The following GRM5 variants were observed in gnomAD, a reference collection of about 807,000 sequenced individuals.
GRM5 encodes the protein glutamate metabotropic receptor 5.
A neutral mutation model predicts 83.1 loss-of-function variants in GRM5; 19 were observed. The ratio of observed to expected loss-of-function variants is 0.23; its 90% CI spans 0.16 to 0.34. The LOEUF (loss-of-function observed/expected upper bound fraction) is 0.34, where lower values mean the gene tolerates loss of function less well. Ranked by LOEUF, GRM5 falls within the 10% of genes least tolerant of loss-of-function variation. The probability of loss-of-function intolerance (pLI) is 1.00; values close to 1 mark genes in which losing one functional copy is unlikely to be tolerated. For synonymous variants in GRM5, 675 were observed against 633.6 expected, an observed-to-expected ratio of 1.07 and a Z score of -0.98; for missense variants, 1,160 against 1,588.3, an observed-to-expected ratio of 0.73 and a Z score of 4.58.
intron 3 of GRM5, among the ~76,000 whole-genome samples, chr11:88,761,063 A>G (rs1423217528): frequency 6.6e-6 from 1 of 152,192 alleles, no homozygotes; most frequent in Non-Finnish European, 1.5e-5. Context: ...AAACAATAAG[A>G]GTCATCTATG....
At chr11:88,948,143 G>T (rs190297494) in intron 2 of GRM5, among the ~76,000 whole-genome samples, 1 of 152,272 alleles carries the variant, frequency 6.6e-6, no homozygotes, top group African/African-American at 2.4e-5. Flanking sequence ...TTGGCTTTCT[G>T]TATGACCGTC....
intron 3 of GRM5, among the ~76,000 whole-genome samples, chr11:88,661,498 T>C (rs1939905339): frequency 1.3e-5 from 2 of 152,086 alleles, no homozygotes; most frequent in African/African-American, 4.8e-5. Context: ...CACATAATTA[T>C]TATGGAAACT....
intron 9 of GRM5, among the ~76,000 whole-genome samples, chr11:88,515,193 A>G (rs1021768379): frequency 2.0e-5 from 3 of 152,166 alleles, no homozygotes; most frequent in African/African-American, 7.2e-5. Context: ...ACAAAGGAGA[A>G]TATGACACGG....
chr11:88,548,739 T>C (rs1263499439), intron 8 of GRM5, among the ~76,000 whole-genome samples: 2 of 152,228 alleles, frequency 1.3e-5, no homozygotes, highest in Non-Finnish European at 2.9e-5. Context: ...AGTATATTAC[T>C]AGGCACTAGT....
At chr11:88,804,401 C>T (rs1050893511) in intron 3 of GRM5, among the ~76,000 whole-genome samples, 6 of 148,914 alleles carry the variant, frequency 4.0e-5, no homozygotes, top group Admixed American at 6.7e-5. Flanking sequence ...ATGGATGAAA[C>T]TGGAAATCAT....
At chr11:88,851,653 G>A (rs547824331) in intron 2 of GRM5, among the ~76,000 whole-genome samples, 1 of 152,310 alleles carries the variant, frequency 6.6e-6, no homozygotes, top group East Asian at 1.9e-4. Flanking sequence ...TTCCTGTCCT[G>A]ATGTGGGTGC....
At chr11:88,790,160 G>A (rs1451165193) in intron 3 of GRM5, among the ~76,000 whole-genome samples, 1 of 152,100 alleles carries the variant, frequency 6.6e-6, no homozygotes, top group Non-Finnish European at 1.5e-5. Flanking sequence ...CACTGCACCT[G>A]GCTCGTACAA....
At chr11:88,890,143 G>A (rs368354414) in intron 2 of GRM5, among the ~76,000 whole-genome samples, 11 of 74,730 alleles carry the variant, frequency 1.5e-4, no homozygotes, top group Admixed American at 2.8e-4. Context: ...CCCCACCCCC[G>A]ACTGAGAGAT....
At position 88,865,011 on chromosome 11, in the gene GRM5, G is replaced by A. The variant is rs149490582; in HGVS notation, c.662-14856C>T. The stretch of plus-strand genomic sequence containing the variant: ...TGAACCAGCCTTACAAGGGATGTGA[G>A]GGAACTCTTCAAGGAGAACTACAAA... On this transcript the variant is annotated intron_variant, in intron 2 of 9. Coordinates refer to ENST00000305447, the MANE Select transcript of GRM5 (RefSeq NM_001143831.3). Among the ~76,000 whole-genome samples the A allele has an allele frequency of 8.2e-3, 1,248 of 151,846 alleles. 19 individuals are homozygous for A. Among genetic ancestry groups the A allele is most frequent in the African/African-American group, 0.029 (1,199 of 41,458 alleles).
chr11:88,812,899 TA>T (rs1308540110), intron 3 of GRM5, among the ~76,000 whole-genome samples: 12 of 152,082 alleles, frequency 7.9e-5, no homozygotes, highest in African/African-American at 2.7e-4. Flanking sequence ...GAAAATTACT[TA>T]AAAAAAGGCC....
At chr11:88,673,908 A>G (rs1164781571) in intron 3 of GRM5, among the ~76,000 whole-genome samples, 1 of 150,980 alleles carries the variant, frequency 6.6e-6, no homozygotes, top group Admixed American at 6.6e-5. Flanking sequence ...AAAAAAACAA[A>G]CATACTCTAG....
intron 7 of GRM5, among the ~76,000 whole-genome samples, chr11:88,578,855 GA>G (rs1239829733): frequency 6.1e-5 from 9 of 146,528 alleles, no homozygotes; most frequent in South Asian, 2.2e-4. Flanking sequence ...CTAACTGTTT[GA>G]AAAAAAAAAG....
At chr11:88,682,719 C>T (rs1386183429) in intron 3 of GRM5, among the ~76,000 whole-genome samples, 1 of 152,152 alleles carries the variant, frequency 6.6e-6, no homozygotes, top group Non-Finnish European at 1.5e-5. Flanking sequence ...ATGCAGTTCT[C>T]TCTAATCATA....
At chr11:88,749,317 T>C (rs1473902650) in intron 3 of GRM5, among the ~76,000 whole-genome samples, 4 of 152,010 alleles carry the variant, frequency 2.6e-5, no homozygotes, top group East Asian at 1.9e-4. Context: ...AATAGCAAAA[T>C]AGACCAAGTG....
intron 3 of GRM5, among the ~76,000 whole-genome samples, chr11:88,686,858 C>A (rs1940637318): frequency 1.3e-5 from 2 of 152,096 alleles, no homozygotes; most frequent in African/African-American, 4.8e-5. Context: ...TCTTTATCAG[C>A]AGCATGAAAA....
chr11:89,034,849 T>C (rs1941347490), intron 2 of GRM5, among the ~76,000 whole-genome samples: 3 of 150,640 alleles, frequency 2.0e-5, no homozygotes, highest in African/African-American at 7.3e-5. Flanking sequence ...CAAATCCTTT[T>C]TTTTTTTTTT....
At chr11:88,562,625 T>C (rs1301647280) in intron 8 of GRM5, among the ~76,000 whole-genome samples, 1 of 152,158 alleles carries the variant, frequency 6.6e-6, no homozygotes, top group Non-Finnish European at 1.5e-5. Flanking sequence ...GCTCCACTTC[T>C]TCTTACTTCT....
intron 3 of GRM5, among the ~76,000 whole-genome samples, chr11:88,733,560 A>G (rs930328630): frequency 6.6e-6 from 1 of 151,986 alleles, no homozygotes; most frequent in South Asian, 2.1e-4. Flanking sequence ...CGAATTTTCT[A>G]TGAGATTTTC....
chr11:88,743,736 T>A (rs1325777476), intron 3 of GRM5, among the ~76,000 whole-genome samples: 3 of 152,046 alleles, frequency 2.0e-5, no homozygotes, highest in African/African-American at 7.2e-5. Flanking sequence ...GCAAATACAA[T>A]CACATTGCAT....
Sources: gnomAD v4.1 joint callset for allele counts (sites outside exome capture counted in the v4.1 genomes callset) on GRCh38, gnomAD v4.1.1 for gene constraint, MANE v1.5 for transcripts, NCBI Gene and HGNC (gene_info 2026-07-23, HGNC 2026-07-21) for gene names.